The following CDCP2 variants were observed in gnomAD, a reference collection of about 807,000 sequenced individuals.
CDCP2 encodes the protein CUB domain-containing protein 2.
Under a neutral mutation model 31.0 loss-of-function variants are expected in CDCP2, and 31 were observed. That is an observed-to-expected ratio of 1.00 (90% CI 0.75 to 1.35). CDCP2 has a LOEUF of 1.35. Ranked by LOEUF, CDCP2 falls within the 40% of genes most tolerant of loss-of-function variation. The pLI is 0.00. For missense variants in CDCP2, 443 were observed against 482.6 expected, an observed-to-expected ratio of 0.92 and a Z score of 0.77; for synonymous variants, 206 against 207.9, an observed-to-expected ratio of 0.99 and a Z score of 0.08.
At position 54,148,974 on chromosome 1, in the gene CDCP2, A is replaced by ATATATAATATATTTATTTT. The variant is rs149408012; in HGVS notation, c.79+3869_79+3870insAAAATAAATATATTATATA. Among the ~76,000 whole-genome samples the ATATATAATATATTTATTTT allele has an allele frequency of 1.4e-4, 21 of 146,284 alleles. 2 individuals carry two copies. The highest frequency in any genetic ancestry group is 5.3e-4 in the African/African-American group (21 of 39,740). On this transcript the variant is annotated intron_variant, in intron 1 of 5. Coordinates refer to ENST00000530059, the Ensembl canonical transcript of CDCP2. ...GAACAAATGAATTGTTTAAAAAAAA[A>ATATATAATATATTTATTTT]ATATATATATATATAATATATAATA...
intron 2 of CDCP2, chr1:54,142,963 C>G (rs201501966): frequency 6.6e-6 from 1 of 152,280 alleles, no homozygotes; most frequent in East Asian, 1.9e-4. Flanking sequence ...TTTAAATATT[C>G]TACATTTAAA....
At chr1:54,141,285 C>T (rs1355925904) in exon 3 of CDCP2, 2 of 1,614,134 alleles carry the variant, frequency 1.2e-6, no homozygotes, top group African/African-American at 2.7e-5. Flanking sequence ...CATTGCCCTC[C>T]ACCTGGAAGT....
chr1:54,146,472 G>A (rs1250663534), intron 1 of CDCP2, among the ~76,000 whole-genome samples: 1 of 151,770 alleles, frequency 6.6e-6, no homozygotes, highest in Admixed American at 6.6e-5. Flanking sequence ...GAGCCACCGC[G>A]CCCAGCCTGA....
intron 3 of CDCP2, chr1:54,140,776 T>C (rs1659353783): frequency 7.8e-6 from 2 of 255,092 alleles, no homozygotes; most frequent in Non-Finnish European, 1.5e-5. Context: ...GGTACAAAGA[T>C]AAGCCCATAA....
At chr1:54,133,705 A>C (rs149439868) in intron 5 of CDCP2, among the ~76,000 whole-genome samples, 18 of 151,958 alleles carry the variant, frequency 1.2e-4, no homozygotes, top group African/African-American at 4.1e-4. Context: ...GACCATCCTG[A>C]CTAACACCAT....
intron 5 of CDCP2, among the ~76,000 whole-genome samples, chr1:54,135,680 G>A (rs955441350): frequency 6.6e-6 from 1 of 152,154 alleles, no homozygotes; most frequent in African/African-American, 2.4e-5. Context: ...CATGGAATAG[G>A]GGGAGGGCAG....
intron 4 of CDCP2, chr1:54,137,663 A>ATGTGTGTGTG (rs113860529): frequency 0.12 from 17,772 of 144,654 alleles, 1,201 homozygotes; most frequent in South Asian, 0.2. Context: ...TTGGGTGAGC[A>ATGTGTGTGTG]TGTGTGTGTG....
chr1:54,136,941 G>C (rs1255667446), intron 4 of CDCP2, 133 bp from the exon 5 acceptor site: 1 of 397,514 alleles, frequency 2.5e-6, no homozygotes, highest in African/African-American at 2.1e-5. Context: ...AGCTCTTACG[G>C]AATCCTACAG....
intron 4 of CDCP2, chr1:54,137,966 C>T (rs1659289610): frequency 6.6e-6 from 1 of 152,156 alleles, no homozygotes; most frequent in South Asian, 2.1e-4. Context: ...CTCCTGCAGC[C>T]TGGGCCACAT....
chr1:54,139,913 C>A, exon 4 of CDCP2: 1 of 1,614,186 alleles, frequency 6.2e-7, no homozygotes, highest in Non-Finnish European at 8.5e-7. Flanking sequence ...CGAAGGCCGC[C>A]AGATGGTCAA....
chr1:54,146,865 C>T (rs143103892), intron 1 of CDCP2, among the ~76,000 whole-genome samples: 1 of 151,702 alleles, frequency 6.6e-6, no homozygotes, highest in African/African-American at 2.4e-5. Context: ...CGTTTGAGCT[C>T]ACCAGTTCGA....
At chr1:54,146,462 G>A (rs113689729) in intron 1 of CDCP2, among the ~76,000 whole-genome samples, 1,654 of 151,966 alleles carry the variant, frequency 0.011, 77 homozygotes, top group African/African-American at 0.038. Context: ...TTATAGGCAT[G>A]AGCCACCGCG....
At chr1:54,137,663 A>ATGTGTGTGTGTGTGTGTGTGCG (rs1659279584) in intron 4 of CDCP2, 1 of 144,854 alleles carries the variant, frequency 6.9e-6, no homozygotes, top group Non-Finnish European at 1.5e-5. Context: ...TTGGGTGAGC[A>ATGTGTGTGTGTGTGTGTGTGCG]TGTGTGTGTG....
chr1:54,148,399 T>C lies in CDCP2; in HGVS notation c.80-3586A>G, dbSNP rs1659512276. The stretch of plus-strand genomic sequence containing the variant: ...AAAAAAATTCACTTCAGCTGACTAT[T>C]TGACAGTGAAAAAAAAAAAACTGAA... On this transcript the variant is annotated intron_variant, in intron 1 of 5. Coordinates refer to ENST00000530059, the Ensembl canonical transcript of CDCP2. 6.2e-5 allele frequency among the ~76,000 whole-genome samples: 5 copies of C among 80,066 alleles called. No individual in the cohort carries two copies. In the Admixed American group the frequency reaches 7.5e-4, roughly 12 times the overall value. The allele number at this position is 80,066 out of a possible 152,430, so 52.5% of individuals were successfully genotyped here. A position where few individuals can be genotyped will look rare whatever the true frequency, so the allele number is the denominator to read the frequency against.
chr1:54,144,515 G>A (rs1030806689), exon 2 of CDCP2: 1 of 1,605,990 alleles, frequency 6.2e-7, no homozygotes, highest in African/African-American at 1.3e-5. Flanking sequence ...GCTTGTCCGA[G>A]TGGAAGATGA....
intron 4 of CDCP2, chr1:54,139,541 T>G (rs773053130): frequency 1.9e-6 from 3 of 1,613,428 alleles, no homozygotes; most frequent in South Asian, 2.2e-5. Context: ...GGAAGGAGGC[T>G]CTGCAATAGT....
chr1:54,152,798 C>T, intron 1 of CDCP2, 46 bp downstream of exon 1: 1 of 1,558,942 alleles, frequency 6.4e-7, no homozygotes, highest in Middle Eastern at 1.7e-4. Flanking sequence ...TGTTGCCTGC[C>T]CACCTCCTTC....
At chr1:54,145,083 G>A (rs1659441012) in intron 1 of CDCP2, among the ~76,000 whole-genome samples, 1 of 152,136 alleles carries the variant, frequency 6.6e-6, no homozygotes, top group South Asian at 2.1e-4. Flanking sequence ...TACCCTCATG[G>A]AACCTACATT....
intron 2 of CDCP2, chr1:54,141,693 A>C: frequency 1.1e-5 from 4 of 362,226 alleles, no homozygotes; most frequent in Non-Finnish European, 2.0e-5. Flanking sequence ...ATAATTAAGA[A>C]AAGGGAGGCA....
Sources: gnomAD v4.1 joint callset for allele counts (sites outside exome capture counted in the v4.1 genomes callset) on GRCh38, gnomAD v4.1.1 for gene constraint, MANE v1.5 for transcripts, NCBI Gene and HGNC (gene_info 2026-07-23, HGNC 2026-07-21) for gene names.